Variants in PTCH1 observed in about 807,000 individuals in gnomAD.
PTCH1 encodes the protein patched 1.
PTCH1 carries 14 observed loss-of-function variants against 144.6 expected under a neutral mutation model. The ratio of observed to expected loss-of-function variants is 0.10; its 90% CI spans 0.06 to 0.15. The LOEUF is 0.15. Ranked by LOEUF, PTCH1 falls within the 10% of genes least tolerant of loss-of-function variation. PTCH1 has a pLI of 1.00. For synonymous variants in PTCH1, 833 were observed against 793.6 expected, an observed-to-expected ratio of 1.05 and a Z score of -0.83; for missense variants, 1,623 against 1,948.3, an observed-to-expected ratio of 0.83 and a Z score of 3.14.
chr9:95,488,118 T>C (rs1198956305), intron 2 of PTCH1, among the ~76,000 whole-genome samples: 2 of 152,234 alleles, frequency 1.3e-5, no homozygotes, highest in Non-Finnish European at 2.9e-5. Flanking sequence ...ATGGAGCAGT[T>C]ATTTTATCAC....
Position 95,459,762 on chromosome 9 carries a change from C to A in PTCH1, c.2725G>T (p.Asp909Tyr). ...CTGGGATTAATGATGCCATCTGCAT[C>A]CACCAGACGCTGTTTAGTCAACTAC... Reference protein sequence around the residue: ...ISQLTKQRLVDADGIINPSAF... With the variant: ...ISQLTKQRLVYADGIINPSAF... Residue 909 changes from aspartate (D) to tyrosine (Y), a missense_variant, in exon 17 of 24, where the codon GAT becomes TAT. By Grantham distance (160) the Asp-to-Tyr change is radical (BLOSUM62 -3). Coordinates refer to ENST00000331920, the MANE Select transcript of PTCH1 (RefSeq NM_000264.5). The A allele has an allele frequency of 6.2e-7, 1 of 1,614,208 alleles. No individual in the cohort carries two copies. The highest frequency in any genetic ancestry group is 8.5e-7 in the Non-Finnish European group (1 of 1,180,044).
chr9:95,503,206 G>A (rs1843276206), intron 2 of PTCH1: 1 of 152,192 alleles, frequency 6.6e-6, no homozygotes, highest in Non-Finnish European at 1.5e-5. Flanking sequence ...TACCAAGAAA[G>A]CAGCATCTAA....
intron 20 of PTCH1, 123 bp from the exon 21 acceptor site, chr9:95,450,063 C>A (rs922179948): frequency 1.7e-5 from 15 of 876,702 alleles, no homozygotes; most frequent in Non-Finnish European, 7.5e-6. Context: ...ACTGAAAAGG[C>A]TGTTATCCAA....
chr9:95,494,213 T>A, intron 2 of PTCH1: 6 of 985,620 alleles, frequency 6.1e-6, no homozygotes, highest in Non-Finnish European at 7.2e-6. Context: ...CCATCTGTTA[T>A]CAGCCTTGCC....
intron 18 of PTCH1, among the ~76,000 whole-genome samples, chr9:95,456,903 C>T (rs1409686578): frequency 6.6e-6 from 1 of 152,090 alleles, no homozygotes; most frequent in East Asian, 1.9e-4. Context: ...AAAAGATTTG[C>T]AGGTCAAAGT....
rs886400282 is a variant in PTCH1 at position 95,509,212 on chromosome 9, A to G, written c.-851T>C. ...TTCAATAGATGAGATGGAAGAAGAA[A>G]AAAAAGAACTCTCTCCATTTGGAGA... On this transcript the variant is annotated 5_prime_UTR_variant, in exon 1 of 24. Transcript: ENST00000331920. 1.3e-5 allele frequency among the ~76,000 whole-genome samples: 2 copies of G among 151,884 alleles called. No individual in the cohort carries two copies. The highest frequency in any genetic ancestry group is 4.8e-5 in the African/African-American group (2 of 41,326).
intron 15 of PTCH1, among the ~76,000 whole-genome samples, chr9:95,465,632 C>T (rs982674985): frequency 3.3e-5 from 5 of 152,176 alleles, no homozygotes; most frequent in African/African-American, 1.2e-4. Flanking sequence ...CCTCTACCAA[C>T]CTCAAGTTGT....
rs149153429 is a variant in PTCH1 at position 95,457,100 on chromosome 9, C to T, written c.3169-687G>A. On this transcript the variant is annotated intron_variant, in intron 18 of 23. Coordinates refer to ENST00000331920, the MANE Select transcript of PTCH1 (RefSeq NM_000264.5). ...GGAAAAGCTTCTTGCCTTTCATCTT[C>T]CTTGTAAAAATTTGTGGGGAAATGG... 3.8e-3 allele frequency among the ~76,000 whole-genome samples: 578 copies of T among 152,178 alleles called. 5 individuals carry two copies. Among genetic ancestry groups the T allele is most frequent in the Middle Eastern group, 6.8e-3 (2 of 294 alleles).
rs911581126 is a variant in PTCH1 at position 95,449,753 on chromosome 9, A to T, written c.3549+88T>A. 25 of 1,190,620 alleles carry T rather than the reference A, an allele frequency of 2.1e-5. No homozygotes were observed. The highest frequency in any genetic ancestry group is 3.1e-5 in the Non-Finnish European group (25 of 808,012). 73.8% of individuals were successfully genotyped at this position (1,190,620 alleles called of 1,614,324 possible). A position where few individuals can be genotyped will look rare whatever the true frequency, so the allele number is the denominator to read the frequency against. ...ACTGAAGAACCACCAGCAAGTGGGG[A>T]GGCACCTAAGTATCGAAGTGAAGAG... is the stretch of plus-strand genomic sequence containing the variant. On this transcript the variant is annotated intron_variant, in intron 21 of 23. Transcript: ENST00000331920. This position sits in a 1 kb window ranked among gnomAD's most constrained non-coding sequence, Gnocchi z 5.3.
chr9:95,458,170 A>C lies in PTCH1; in HGVS notation c.3011T>G (p.Leu1004Arg), dbSNP rs1564019538. The change falls in exon 18 of 24, where the codon CTG (leucine) becomes CGG (arginine). Residue 1004 changes from leucine (L) to arginine (R), a missense_variant. Leu to Arg is a moderately radical substitution (Grantham distance 102). Coordinates refer to ENST00000331920, the MANE Select transcript of PTCH1 (RefSeq NM_000264.5). The surrounding 1 kb of genome is among the most constrained non-coding windows in gnomAD (Gnocchi z 4.7). ...GCCGTTGGGGTAACTGGACAGCCCCAGGCTCGTATAGTTGCTGCAGATGGT... is the reference window on the plus strand; with the variant it reads ...GCCGTTGGGGTAACTGGACAGCCCCCGGCTCGTATAGTTGCTGCAGATGGT... ...VRTICSNYTS[L>R]GLSSYPNGYP... 1 of 1,614,210 alleles carries C rather than the reference A, an allele frequency of 6.2e-7. No homozygotes were observed. The highest frequency in any genetic ancestry group is 8.5e-7 in the Non-Finnish European group (1 of 1,180,046).
chr9:95,465,238 T>C (rs1256471089), intron 15 of PTCH1, among the ~76,000 whole-genome samples: 1 of 152,170 alleles, frequency 6.6e-6, no homozygotes, highest in African/African-American at 2.4e-5. Flanking sequence ...CATGCCACAT[T>C]GAGCCTCCAG....
rs779129066 is a variant in PTCH1, at chr9:95,506,605, G to A, written c.202-6C>T. The A allele has an allele frequency of 5.6e-6, 9 of 1,610,468 alleles. No individual in the cohort carries two copies. The highest frequency in any genetic ancestry group is 1.7e-5 in the Admixed American group (1 of 59,696). On this transcript the variant is annotated splice_polypyrimidine_tract_variant and splice_region_variant and intron_variant, in intron 1 of 23. Transcript: ENST00000331920. The stretch of plus-strand genomic sequence containing the variant: ...TTCCGGCCAGTAGCCTTCCCCTGGG[G>A]ACGAAGCAGAAGGGAGGAGTGAGCG...
intron 16 of PTCH1, among the ~76,000 whole-genome samples, chr9:95,460,996 G>C (rs1229544588): frequency 2.6e-5 from 4 of 152,154 alleles, no homozygotes; most frequent in Non-Finnish European, 1.5e-5. Context: ...CAAAAAAGGG[G>C]AGACAATAAA....
chr9:95,485,661 G>A, intron 3 of PTCH1, 24 bp downstream of exon 3: 1 of 1,613,884 alleles, frequency 6.2e-7, no homozygotes, highest in Non-Finnish European at 8.5e-7. Context: ...CTGCTCATTA[G>A]TAGGTGGACG....
At chr9:95,515,832 G>A (rs1012638401) in intron 1 of PTCH1, among the ~76,000 whole-genome samples, 4 of 152,194 alleles carry the variant, frequency 2.6e-5, no homozygotes, top group African/African-American at 9.6e-5. Flanking sequence ...CATGGGAGGG[G>A]AGGTGGGTAA....
At chr9:95,472,854 G>C (rs1468138604) in intron 12 of PTCH1, among the ~76,000 whole-genome samples, 1 of 152,194 alleles carries the variant, frequency 6.6e-6, no homozygotes, top group Non-Finnish European at 1.5e-5. Context: ...AACCAGCAAG[G>C]GCTGCTCAGA....
At chr9:95,454,957 C>G (rs1021537600) in intron 19 of PTCH1, among the ~76,000 whole-genome samples, 6 of 152,198 alleles carry the variant, frequency 3.9e-5, no homozygotes, top group African/African-American at 1.4e-4. Flanking sequence ...AAGGTGGTTT[C>G]CATTTGCATC....
chr9:95,471,940 G>A (rs1840623372), intron 12 of PTCH1, among the ~76,000 whole-genome samples: 1 of 152,234 alleles, frequency 6.6e-6, no homozygotes, highest in South Asian at 2.1e-4. Context: ...GGGAGGCTGA[G>A]GCAGGAGAAC....
intron 2 of PTCH1, 79 bp downstream of exon 2, chr9:95,506,328 G>T (rs1843632130): frequency 1.3e-6 from 2 of 1,486,110 alleles, no homozygotes; most frequent in African/African-American, 1.4e-5. Context: ...CAGGCTCTAG[G>T]TGTGCGCTGG....
Sources: gnomAD v4.1 joint callset for allele counts (sites outside exome capture counted in the v4.1 genomes callset) on GRCh38, gnomAD v4.1.1 for gene constraint, Gnocchi (gnomAD v3.1) non-coding constraint, MANE v1.5 for transcripts, NCBI Gene and HGNC (gene_info 2026-07-23, HGNC 2026-07-21) for gene names.